The following KY variants were observed in gnomAD, a reference collection of about 807,000 sequenced individuals.
KY encodes the protein kyphoscoliosis peptidase.
A neutral mutation model predicts 76.1 loss-of-function variants in KY; 43 were observed. The ratio of observed to expected loss-of-function variants is 0.57; its 90% CI spans 0.44 to 0.73. The LOEUF is 0.73. Ranked by LOEUF, KY falls within the 30% of genes least tolerant of loss-of-function variation. KY has a pLI of 0.00. For missense variants in KY, 722 were observed against 828.9 expected (o/e 0.87, Z 1.58); for synonymous variants, 277 against 326.2 (o/e 0.85, Z 1.63).
chr3:134,650,811 C>T lies in KY; in HGVS notation c.136+14G>A. ...TGCCGGGGGACCCGGGGACCCGGGT[C>T]GGGCGCGCGTTACCTCCTCCGCGCT... On this transcript the variant is annotated intron_variant, in intron 1 of 10. Coordinates refer to ENST00000423778, the MANE Select transcript of KY (RefSeq NM_178554.6). 1 of 1,562,176 alleles carries T rather than the reference C, an allele frequency of 6.4e-7. No individual in the cohort carries two copies. The highest frequency in any genetic ancestry group is 1.4e-5 in the African/African-American group (1 of 72,462).
intron 1 of KY, among the ~76,000 whole-genome samples, chr3:134,648,203 G>C (rs1966665864): frequency 6.6e-6 from 1 of 152,194 alleles, no homozygotes; most frequent in South Asian, 2.1e-4. Context: ...AGTGCTCCTT[G>C]GTGGCCGAGG....
intron 6 of KY, among the ~76,000 whole-genome samples, chr3:134,621,174 T>C (rs1962555391): frequency 6.6e-6 from 1 of 152,140 alleles, no homozygotes; most frequent in African/African-American, 2.4e-5. Flanking sequence ...TTTAACATAA[T>C]CCTTATCAAA....
At chr3:134,628,195 C>T (rs929411406) in intron 4 of KY, 5 of 239,230 alleles carry the variant, frequency 2.1e-5, no homozygotes, top group Non-Finnish European at 4.1e-5. Flanking sequence ...GGGATAAGAA[C>T]TGACCATGGA....
At position 134,643,412 on chromosome 3, in the gene KY, C is replaced by T. The variant is rs1348529493; in HGVS notation, c.200-34G>A. On this transcript the variant is annotated intron_variant, in intron 2 of 10. Coordinates refer to ENST00000423778, the MANE Select transcript of KY (RefSeq NM_178554.6). ...GGAAGACAGAGAGGCCTGCAGTGACCACTGGGGAATTTTCCCCAGGCAGAG... is the reference window on the plus strand; with the variant it reads ...GGAAGACAGAGAGGCCTGCAGTGACTACTGGGGAATTTTCCCCAGGCAGAG... 4 of 1,594,168 alleles carry T rather than the reference C, an allele frequency of 2.5e-6. No homozygotes were observed. The South Asian group carries it at 4.4e-5, about 18-fold the overall frequency.
intron 3 of KY, among the ~76,000 whole-genome samples, chr3:134,634,521 T>C (rs1392511737): frequency 2.6e-5 from 4 of 152,160 alleles, no homozygotes; most frequent in African/African-American, 9.7e-5. Flanking sequence ...TATTTTACTA[T>C]AAAAGAGATT....
At chr3:134,634,369 CACA>C (rs1964637534) in intron 3 of KY, among the ~76,000 whole-genome samples, 1 of 151,962 alleles carries the variant, frequency 6.6e-6, no homozygotes, top group African/African-American at 2.4e-5. Context: ...AAGCTGTAAT[CACA>C]ACAATGTGAT....
At chr3:134,613,758 A>C (rs2107793569) in intron 8 of KY, among the ~76,000 whole-genome samples, 1 of 152,354 alleles carries the variant, frequency 6.6e-6, no homozygotes, top group African/African-American at 2.4e-5. Context: ...TGGACAAAGA[A>C]GGTCATAATG....
rs1461403205 is a variant in KY, at chr3:134,629,768, T to G, written c.263-73A>C. ...AGGGTGAATGCCTCATGACTGATGA[T>G]TGAATAAAAAAACAATTAGTTTTAG... is the stretch of plus-strand genomic sequence containing the variant. On this transcript the variant is annotated intron_variant, in intron 3 of 10. Transcript: ENST00000423778. 8 of 879,126 alleles carry G rather than the reference T, an allele frequency of 9.1e-6. No homozygotes were observed. The East Asian group carries it at 1.3e-4, about 15-fold the overall frequency. 54.5% of individuals were successfully genotyped at this position (879,126 alleles called of 1,614,324 possible). A position where few individuals can be genotyped will look rare whatever the true frequency, so the allele number is the denominator to read the frequency against.
intron 6 of KY, among the ~76,000 whole-genome samples, chr3:134,622,267 GT>G (rs1247495663): frequency 2.6e-4 from 39 of 152,230 alleles, no homozygotes; most frequent in Admixed American, 2.0e-3. Flanking sequence ...TTTCCCCAAT[GT>G]TCATTGCAGC....
rs763374229 is a variant in KY at position 134,604,160 on chromosome 3, G to T, written c.1405C>A (p.Pro469Thr). ...TCGCTGGTGTGGATGATAGGGTCAG[G>T]GTGGGAGGGCTTCATGATGCCCATC... The part of the protein sequence containing the change: ...EQMGIMKPSH[P>T]DPIIHTSDGR... The change falls in exon 11 of 11, where the codon CCT (proline) becomes ACT (threonine). Residue 469 changes from proline to threonine, a missense_variant. Pro to Thr is a conservative substitution (Grantham distance 38). This residue lies in a region of KY where 552 missense variants were observed against 680.9 expected (regional missense o/e 0.81). Transcript: ENST00000423778. The T allele has an allele frequency of 5.6e-6, 9 of 1,609,090 alleles. No individual in the cohort carries two copies. The highest frequency in any genetic ancestry group is 1.7e-4 in the Middle Eastern group (1 of 5,826).
intron 9 of KY, 57 bp from the exon 10 acceptor site, chr3:134,608,896 A>T: frequency 1.3e-6 from 2 of 1,552,582 alleles, no homozygotes; most frequent in Non-Finnish European, 1.7e-6. Flanking sequence ...GCAGGGGCCC[A>T]ATACACCCAC....
At chr3:134,616,537 A>G (rs750031955) in intron 8 of KY, among the ~76,000 whole-genome samples, 1 of 152,230 alleles carries the variant, frequency 6.6e-6, no homozygotes, top group Non-Finnish European at 1.5e-5. Context: ...TTAAAGAAAC[A>G]GTTAAAGGAA....
chr3:134,629,944 T>C (rs1354507224), intron 3 of KY, among the ~76,000 whole-genome samples: 1 of 152,212 alleles, frequency 6.6e-6, no homozygotes, highest in Non-Finnish European at 1.5e-5. Flanking sequence ...AACAATGTAC[T>C]GAATGTAAGG....
chr3:134,644,483 G>T (rs370514608), intron 2 of KY, among the ~76,000 whole-genome samples: 8 of 152,154 alleles, frequency 5.3e-5, no homozygotes, highest in Admixed American at 2.0e-4. Flanking sequence ...TCAGAGGGGT[G>T]GGGGGAAGGC....
Position 134,627,743 on chromosome 3 carries a change from C to T in KY, c.400+13G>A, listed in dbSNP as rs1359472423. 1.2e-6 allele frequency: 2 copies of T among 1,612,664 alleles called. No homozygotes were observed. The highest frequency in any genetic ancestry group is 1.7e-6 in the Non-Finnish European group (2 of 1,178,842). ...CTCTCTTGAGAATTGTCCTGGAAGA[C>T]TCTGGAACTTACCATGGGCATCTTT... On this transcript the variant is annotated intron_variant, in intron 5 of 10. Coordinates refer to ENST00000423778, the MANE Select transcript of KY (RefSeq NM_178554.6).
In KY at chr3:134,627,809, C is replaced by T. The variant is rs753472064; in HGVS notation, c.347G>A (p.Gly116Asp). Residue 116 changes from glycine (G) to aspartate (D), a missense_variant, in exon 5 of 11, where the codon GGT becomes GAT. By Grantham distance (94) the Gly-to-Asp change is moderately conservative. Around this residue, in one of 2 missense-constraint regions of KY, gnomAD observed 170 missense variants for 148.1 expected, o/e 1.15. Coordinates refer to ENST00000423778, the MANE Select transcript of KY (RefSeq NM_178554.6). ...GGGTCTTGTGTTTCCATTTTTATCA[C>T]CTTGTAAACCTACAATATTCCAAAG... ...KKFSLAKRLQ[G>D]DKNGNTRPRQ... The T allele has an allele frequency of 3.3e-5, 54 of 1,612,830 alleles. No individual in the cohort carries two copies. The highest frequency in any genetic ancestry group is 4.3e-5 in the Non-Finnish European group (51 of 1,178,910).
At chr3:134,620,216 A>G (rs1962364641) in intron 7 of KY, among the ~76,000 whole-genome samples, 1 of 152,208 alleles carries the variant, frequency 6.6e-6, no homozygotes, top group African/African-American at 2.4e-5. Flanking sequence ...GGGCAGCTGC[A>G]TAGGCCCAGG....
At chr3:134,632,351 C>T (rs1427195972) in intron 3 of KY, among the ~76,000 whole-genome samples, 3 of 151,968 alleles carry the variant, frequency 2.0e-5, no homozygotes, top group African/African-American at 7.2e-5. Context: ...CCAAGATGGA[C>T]TATATCCTTG....
intron 3 of KY, among the ~76,000 whole-genome samples, chr3:134,633,715 C>T (rs913824250): frequency 6.6e-6 from 1 of 152,112 alleles, no homozygotes; most frequent in African/African-American, 2.4e-5. Context: ...TATCCACTCT[C>T]ACTGATCCTA....
Sources: allele counts gnomAD v4.1 joint callset (sites outside exome capture counted in the v4.1 genomes callset), GRCh38; gene constraint gnomAD v4.1.1; regional missense constraint gnomAD v4.1.1; transcripts MANE v1.5; gene names NCBI Gene and HGNC (gene_info 2026-07-23, HGNC 2026-07-21).